Variants in ADAMTS13 observed in about 807,000 individuals in gnomAD.
The protein encoded by ADAMTS13 is ADAM metallopeptidase with thrombospondin type 1 motif 13.
ADAMTS13 carries 110 observed loss-of-function variants against 155.1 expected under a neutral mutation model. The ratio of observed to expected loss-of-function variants is 0.71; its 90% CI spans 0.61 to 0.83. The LOEUF (loss-of-function observed/expected upper bound fraction) is 0.83, where lower values mean the gene tolerates loss of function less well. Ranked by LOEUF, ADAMTS13 falls within the 40% of genes least tolerant of loss-of-function variation. The probability of loss-of-function intolerance (pLI) is 0.00; values close to 1 mark genes in which losing one functional copy is unlikely to be tolerated. For synonymous variants in ADAMTS13, 758 were observed against 756.4 expected (o/e 1.00, Z -0.03); for missense variants, 1,707 against 1,891.7 (o/e 0.90, Z 1.81).
Position 133,436,862 on chromosome 9 carries a change from C to T in ADAMTS13, c.1342C>T (p.Gln448Ter). ...GAAGACCCAGCTGGAGTTCATGTCG[C>T]AACAGTGCGCCAGGACCGACGGCCA... Reference protein sequence around the residue: ...CEKTQLEFMSQQCARTDGQPL... With the variant: ...CEKTQLEFMS The change falls in exon 12 of 29, where the codon CAA becomes TAA. Residue 448 changes from glutamine (Q) to a stop codon, truncating the protein, a stop_gained. Transcript: ENST00000355699. LOFTEE classifies it high-confidence loss of function. 3 of 1,583,878 alleles carry T rather than the reference C, an allele frequency of 1.9e-6. No homozygotes were observed. Among genetic ancestry groups the T allele is most frequent in the Non-Finnish European group, 2.6e-6 (3 of 1,165,698 alleles).
chr9:133,438,101 A>G (rs1466814410), intron 13 of ADAMTS13, 145 bp from the exon 14 acceptor site: 1 of 1,501,536 alleles, frequency 6.7e-7, no homozygotes. Flanking sequence ...GAGCCCTCTA[A>G]GCTTGCTTCC....
At chr9:133,417,884 A>C, upstream of ADAMTS13, 1 of 1,578,712 alleles carries the variant, frequency 6.3e-7, no homozygotes, top group Non-Finnish European at 8.6e-7. Flanking sequence ...GCCACCCGAG[A>C]CCCCGGCCTC....
intron 12 of ADAMTS13, 118 bp from the exon 13 acceptor site, chr9:133,437,630 TG>T (rs1182929162): frequency 2.7e-6 from 3 of 1,107,574 alleles, no homozygotes; most frequent in Non-Finnish European, 2.7e-6. Context: ...CCTTAGGAGG[TG>T]GGATGTGGGG....
chr9:133,430,007 A>C lies in ADAMTS13; in HGVS notation c.893A>C (p.Asp298Ala). 6.3e-7 allele frequency: 1 copy of C among 1,576,938 alleles called. No individual in the cohort carries two copies. Among genetic ancestry groups the C allele is most frequent in the Middle Eastern group, 1.7e-4 (1 of 5,970 alleles). Residue 298 changes from aspartate to alanine, a missense_variant, in exon 8 of 29, where the codon GAT becomes GCT. By Grantham distance (126) the Asp-to-Ala change is moderately radical. Coordinates refer to ENST00000355699, the MANE Select transcript of ADAMTS13 (RefSeq NM_139027.6). ...CCCGGGTCCGCGGGGCACCCGCCGG[A>C]TGCGCAGCCTGGCCTCTACTACAGC... The part of the protein sequence containing the change: ...PQPGSAGHPP[D>A]AQPGLYYSAN...
At chr9:133,457,330 G>A (rs1842805410) in intron 27 of ADAMTS13, among the ~76,000 whole-genome samples, 1 of 152,210 alleles carries the variant, frequency 6.6e-6, no homozygotes, top group African/African-American at 2.4e-5. Flanking sequence ...GTGGCAACAG[G>A]GGCTTAGCCT....
chr9:133,433,275 G>A (rs1214188778), intron 9 of ADAMTS13, 103 bp from the exon 10 acceptor site: 5 of 1,513,282 alleles, frequency 3.3e-6, no homozygotes, highest in Non-Finnish European at 4.5e-6. Flanking sequence ...GTCCCTGTGT[G>A]TGTTGGGGAT....
At position 133,441,397 on chromosome 9, in the gene ADAMTS13, G is replaced by A. The variant is rs1841662888; in HGVS notation, c.1968+872G>A. ...GGGACATTGTATCCAGATGCTAGCT[G>A]CCGAGTGGCTCTCCCATCATCCTCT... On this transcript the variant is annotated intron_variant, in intron 16 of 28. Transcript: ENST00000355699. The surrounding 1 kb of genome is among the most constrained non-coding windows in gnomAD (Gnocchi z 5.0). 6.6e-6 allele frequency among the ~76,000 whole-genome samples: 1 copy of A among 152,202 alleles called. No individual in the cohort carries two copies. The highest frequency in any genetic ancestry group is 1.5e-5 in the Non-Finnish European group (1 of 68,040).
chr9:133,455,612 C>T (rs782473581), intron 25 of ADAMTS13, 177 bp downstream of exon 25: 2 of 1,599,732 alleles, frequency 1.3e-6, no homozygotes, highest in Admixed American at 1.7e-5. Context: ...CAGTTATGTC[C>T]TGTCCTCCTT....
At chr9:133,429,856 A>G (rs2130805207) in intron 7 of ADAMTS13, 83 bp from the exon 8 acceptor site, 3 of 1,512,812 alleles carry the variant, frequency 2.0e-6, no homozygotes, top group East Asian at 4.9e-5. Context: ...AAACGCTTCC[A>G]TCCTCGTGCC....
Position 133,456,674 on chromosome 9 carries a change from C to A in ADAMTS13, c.3679C>A (p.Leu1227Met), listed in dbSNP as rs1842768720. The A allele has an allele frequency of 6.3e-7, 1 of 1,593,164 alleles. No individual in the cohort carries two copies. The highest frequency in any genetic ancestry group is 8.5e-7 in the Non-Finnish European group (1 of 1,169,612). The change falls in exon 27 of 29, where the codon CTG becomes ATG. Residue 1227 changes from leucine to methionine, a missense_variant. This residue lies in a region of ADAMTS13 where 961 missense variants were observed against 1,107.9 expected (regional missense o/e 0.87). Transcript: ENST00000355699. This position sits in a 1 kb window ranked among gnomAD's most constrained non-coding sequence, Gnocchi z 4.4. ...CTGCGGGCGGCCAGGAGGTGGGGTG[C>A]TGCTGCGGTATGGGAGCCAGCTTGC... Reference protein sequence around the residue: ...QRCGRPGGGVLLRYGSQLAPE... With the variant: ...QRCGRPGGGVMLRYGSQLAPE...
chr9:133,433,722 G>A lies in ADAMTS13; in HGVS notation c.1308+18G>A. The A allele has an allele frequency of 1.2e-6, 2 of 1,611,694 alleles. No individual in the cohort carries two copies. Among genetic ancestry groups the A allele is most frequent in the Non-Finnish European group, 1.7e-6 (2 of 1,179,934 alleles). ...ACACTCAGGTAGGCCTGCTTCCTGG[G>A]GTAGGAGGGGGCAGCTGGTGGCACC... On this transcript the variant is annotated intron_variant, in intron 11 of 28. Transcript: ENST00000355699.
upstream of ADAMTS13, among the ~76,000 whole-genome samples, chr9:133,419,205 G>A (rs782757630): frequency 2.6e-5 from 4 of 152,258 alleles, no homozygotes; most frequent in East Asian, 7.7e-4. Flanking sequence ...GGGAAGTGAG[G>A]CTCCTAGGAT....
In ADAMTS13 at chr9:133,440,440, A is replaced by G; in HGVS notation, c.1883A>G (p.Tyr628Cys). 2 of 1,613,794 alleles carry G rather than the reference A, an allele frequency of 1.2e-6. No individual in the cohort carries two copies. The highest frequency in any genetic ancestry group is 1.7e-6 in the Non-Finnish European group (2 of 1,179,972). ...PSLLEDGRVE[Y>C]RVALTEDRLP... ...CTCCTGGAGGATGGTCGTGTCGAGT[A>G]CAGAGTGGCCCTCACCGAGGACCGG... The change falls in exon 16 of 29, where the codon TAC (tyrosine) becomes TGC (cysteine). Residue 628 changes from tyrosine to cysteine, a missense_variant. Transcript: ENST00000355699. The surrounding 1 kb of genome is among the most constrained non-coding windows in gnomAD (Gnocchi z 4.3).
At chr9:133,429,862 G>A (rs782022887) in intron 7 of ADAMTS13, 77 bp from the exon 8 acceptor site, 12 of 1,519,352 alleles carry the variant, frequency 7.9e-6, no homozygotes, top group East Asian at 2.5e-5. Flanking sequence ...TTCCATCCTC[G>A]TGCCCACTCC....
intron 23 of ADAMTS13, 77 bp from the exon 24 acceptor site, chr9:133,454,338 G>A: frequency 6.5e-7 from 1 of 1,534,280 alleles, no homozygotes; most frequent in African/African-American, 1.4e-5. Context: ...AGTACACGTG[G>A]GTGGAGAGGG....
Position 133,445,960 on chromosome 9 carries a change from G to A in ADAMTS13, c.2731+141G>A, listed in dbSNP as rs1842039831. 21 of 1,250,030 alleles carry A rather than the reference G, an allele frequency of 1.7e-5. No individual in the cohort carries two copies. In the South Asian group the frequency reaches 3.3e-4, roughly 19 times the overall value. 77.4% of individuals were successfully genotyped at this position (1,250,030 alleles called of 1,614,324 possible). A position where few individuals can be genotyped will look rare whatever the true frequency, so the allele number is the denominator to read the frequency against. Reference sequence around the variant, plus strand: ...ATGGGAACACGTGGTAATACACAAGGAGACTAAGCATAGTAGCTGACAGCC... The same window carrying A: ...ATGGGAACACGTGGTAATACACAAGAAGACTAAGCATAGTAGCTGACAGCC... On this transcript the variant is annotated intron_variant, in intron 21 of 28. Coordinates refer to ENST00000355699, the MANE Select transcript of ADAMTS13 (RefSeq NM_139027.6). This position sits in a 1 kb window ranked among gnomAD's most constrained non-coding sequence, Gnocchi z 5.0.
chr9:133,448,811 G>GCCCCCCTC, intron 22 of ADAMTS13, 83 bp downstream of exon 22: 1 of 1,543,374 alleles, frequency 6.5e-7, no homozygotes, highest in Non-Finnish European at 8.7e-7. Context: ...CCGGTGACCT[G>GCCCCCCTC]CGGAGGGGGG....
intron 12 of ADAMTS13, 25 bp downstream of exon 12, chr9:133,436,980 G>T (rs587700328): frequency 2.8e-5 from 45 of 1,589,466 alleles, no homozygotes; most frequent in African/African-American, 4.0e-5. Context: ...GTGTGGGGTT[G>T]GGGGAGGAGC....
upstream of ADAMTS13, among the ~76,000 whole-genome samples, chr9:133,420,053 T>C (rs71503192): frequency 0.055 from 8,322 of 152,216 alleles, 323 homozygotes; most frequent in Non-Finnish European, 0.087. Context: ...TACAGGCATG[T>C]GCCACCACGC....
Sources: allele counts gnomAD v4.1 joint callset (sites outside exome capture counted in the v4.1 genomes callset), GRCh38; gene constraint gnomAD v4.1.1; regional missense constraint gnomAD v4.1.1; non-coding constraint Gnocchi (gnomAD v3.1); transcripts MANE v1.5; gene names NCBI Gene and HGNC (gene_info 2026-07-23, HGNC 2026-07-21).